Variants in MAN1B1 observed in about 807,000 individuals in gnomAD.
The protein encoded by MAN1B1 is mannosidase alpha class 1B member 1, also known as endoplasmic reticulum mannosyl-oligosaccharide 1,2-alpha-mannosidase.
MAN1B1 carries 66 observed loss-of-function variants against 75.5 expected under a neutral mutation model. The observed-to-expected ratio is 0.87, with a 90% CI of 0.72 to 1.07. MAN1B1 has a LOEUF of 1.07. MAN1B1 is among the 50% of genes least tolerant of loss of function. The pLI, the probability that MAN1B1 is intolerant of heterozygous loss-of-function variation, is 0.00. For missense variants in MAN1B1, 973 were observed against 912.5 expected, an observed-to-expected ratio of 1.07 and a Z score of -0.85; for synonymous variants, 453 against 382.8, an observed-to-expected ratio of 1.18 and a Z score of -2.14.
chr9:137,087,647 A>G, intron 1 of MAN1B1: 2 of 412,734 alleles, frequency 4.8e-6, no homozygotes, highest in Non-Finnish European at 9.1e-6. Context: ...TGATAACCAC[A>G]TGCGGACTGT....
At chr9:137,087,292 G>C (rs2130984091) in intron 1 of MAN1B1, 74 bp downstream of exon 1, 1 of 1,496,710 alleles carries the variant, frequency 6.7e-7, no homozygotes, top group Non-Finnish European at 9.0e-7. Context: ...GGCTCCGAGC[G>C]GGACCTGGGC....
In MAN1B1 at chr9:137,105,508, G is replaced by T. The variant is rs568714121; in HGVS notation, c.1255-617G>T. 7.0e-5 allele frequency: 15 copies of T among 215,152 alleles called. No individual in the cohort carries two copies. In the South Asian group the frequency reaches 8.8e-4, roughly 13 times the overall value. 13.3% of individuals were successfully genotyped at this position (215,152 alleles called of 1,614,324 possible). ...GGATAGGCAGCCAGGCCTCGAAGGT[G>T]CTGGGCATGGGTTTGGGTGTCTGCG... is the stretch of plus-strand genomic sequence containing the variant. On this transcript the variant is annotated intron_variant, in intron 8 of 12. Coordinates refer to ENST00000371589, the MANE Select transcript of MAN1B1 (RefSeq NM_016219.5).
intron 1 of MAN1B1, 73 bp downstream of exon 1, chr9:137,087,291 C>A: frequency 6.7e-7 from 1 of 1,500,634 alleles, no homozygotes; most frequent in Non-Finnish European, 9.0e-7. Context: ...CGGCTCCGAG[C>A]GGGACCTGGG....
chr9:137,092,339 C>G (rs577933261), intron 3 of MAN1B1, among the ~76,000 whole-genome samples: 1 of 151,486 alleles, frequency 6.6e-6, no homozygotes, highest in African/African-American at 2.4e-5. Context: ...GAGACCCTGT[C>G]TCAAAAAATA....
Position 137,101,059 on chromosome 9 carries a change from T to G in MAN1B1, c.971T>G (p.Val324Gly). 6.2e-7 allele frequency: 1 copy of G among 1,614,216 alleles called. No individual in the cohort carries two copies. The highest frequency in any genetic ancestry group is 8.5e-7 in the Non-Finnish European group (1 of 1,180,046). The change falls in exon 7 of 13, where the codon GTG (valine) becomes GGG (glycine). Residue 324 changes from valine (V) to glycine (G), a missense_variant. Val to Gly is a moderately radical substitution (Grantham distance 109). Transcript: ENST00000371589. ...AAGAAGTTACACTTTGAAAAGGACGTGGACGTCAACCTGTTTGAGAGCACG... is the reference window on the plus strand; with the variant it reads ...AAGAAGTTACACTTTGAAAAGGACGGGGACGTCAACCTGTTTGAGAGCACG... ...VSKKLHFEKD[V>G]DVNLFESTIR...
At chr9:137,106,382 GCCCCCAGCT>G in intron 9 of MAN1B1, 67 bp downstream of exon 9, 1 of 1,408,772 alleles carries the variant, frequency 7.1e-7, no homozygotes, top group Non-Finnish European at 9.6e-7. Flanking sequence ...CACTCCTGCT[GCCCCCAGCT>G]CCCACGGCCC....
intron 8 of MAN1B1, chr9:137,104,609 T>C (rs1375712112): frequency 1.2e-5 from 2 of 170,128 alleles, no homozygotes; most frequent in African/African-American, 4.8e-5. Context: ...AGAGATTCCT[T>C]TTTCAGGCTG....
rs777042053 is a variant in MAN1B1, at chr9:137,099,757, C to T, written c.792C>T (p.Tyr264=). Reference sequence around the variant, plus strand: ...TCTTCCTGCATGCATGGAAAGGATACCGCAAGTTTGCATGGGGCCATGACG... The same window carrying T: ...TCTTCCTGCATGCATGGAAAGGATATCGCAAGTTTGCATGGGGCCATGACG... ...IDVFLHAWKG[Y]RKFAWGHDEL... is the part of the protein sequence containing the mutation. Residue 264 remains tyrosine, a synonymous_variant, in exon 6 of 13, where the codon TAC becomes TAT. Transcript: ENST00000371589. 22 of 1,614,110 alleles carry T rather than the reference C, an allele frequency of 1.4e-5. No homozygotes were observed. Among genetic ancestry groups the T allele is most frequent in the Non-Finnish European group, 1.8e-5 (21 of 1,180,060 alleles).
At chr9:137,092,246 T>A (rs1288263874) in intron 3 of MAN1B1, among the ~76,000 whole-genome samples, 1 of 151,674 alleles carries the variant, frequency 6.6e-6, no homozygotes, top group East Asian at 1.9e-4. Context: ...TAGTCCCAGC[T>A]ACCTGGGAGG....
chr9:137,091,470 C>G (rs941307293), intron 3 of MAN1B1, among the ~76,000 whole-genome samples: 1 of 151,422 alleles, frequency 6.6e-6, no homozygotes, highest in African/African-American at 2.4e-5. Context: ...TAGGCCAGAT[C>G]CCTTTCTGTT....
At chr9:137,087,663 G>A in intron 1 of MAN1B1, 3 of 404,262 alleles carry the variant, frequency 7.4e-6, no homozygotes, top group Non-Finnish European at 1.4e-5. Context: ...ACTGTGCATC[G>A]CCTGGGCGGT....
chr9:137,096,448 C>G (rs1030674578), intron 4 of MAN1B1, 57 bp downstream of exon 4: 4 of 1,585,736 alleles, frequency 2.5e-6, no homozygotes, highest in Non-Finnish European at 2.6e-6. Flanking sequence ...TTCCGAAAAA[C>G]AAGATTGCGG....
intron 3 of MAN1B1, among the ~76,000 whole-genome samples, chr9:137,095,992 T>C (rs1435582730): frequency 6.6e-6 from 1 of 152,112 alleles, no homozygotes; most frequent in Non-Finnish European, 1.5e-5. Context: ...AGTTTGGAAA[T>C]ATTCCCACCG....
rs1193672374 is a variant in MAN1B1, at chr9:137,105,435, A to G, written c.1255-690A>G. 4 of 185,836 alleles carry G rather than the reference A, an allele frequency of 2.2e-5. No individual in the cohort carries two copies. The Admixed American group carries it at 2.4e-4, about 11-fold the overall frequency. The allele number at this position is 185,836 out of a possible 1,614,324, so 11.5% of individuals were successfully genotyped here. ...GCTCAGAAAATGGCCCCAGGCCCCCATGGGCACCCCCATGTCACCAGGGCC... is the reference window on the plus strand; with the variant it reads ...GCTCAGAAAATGGCCCCAGGCCCCCGTGGGCACCCCCATGTCACCAGGGCC... On this transcript the variant is annotated intron_variant, in intron 8 of 12. Coordinates refer to ENST00000371589, the MANE Select transcript of MAN1B1 (RefSeq NM_016219.5).
At chr9:137,100,682 C>T (rs1315965260) in intron 6 of MAN1B1, among the ~76,000 whole-genome samples, 2 of 152,060 alleles carry the variant, frequency 1.3e-5, no homozygotes, top group Admixed American at 6.5e-5. Context: ...TGCAGTGGCA[C>T]GATCTCAGTT....
intron 3 of MAN1B1, chr9:137,094,326 G>A: frequency 2.3e-6 from 1 of 429,342 alleles, no homozygotes; most frequent in South Asian, 1.7e-5. Context: ...TCGTAACGGT[G>A]ATTTTTAAGA....
chr9:137,097,183 A>G (rs375042106), intron 4 of MAN1B1, among the ~76,000 whole-genome samples: 1 of 152,338 alleles, frequency 6.6e-6, no homozygotes, highest in African/African-American at 2.4e-5. Flanking sequence ...CTTTACTTCC[A>G]GAGCAAAAGA....
Position 137,100,104 on chromosome 9 carries a change from T to C in MAN1B1, c.916+223T>C, listed in dbSNP as rs1296712629. On this transcript the variant is annotated intron_variant, in intron 6 of 12. Coordinates refer to ENST00000371589, the MANE Select transcript of MAN1B1 (RefSeq NM_016219.5). ...CGCTGTCCCCAGACCTCTGCAGGAG[T>C]TGAGTGTGGACTCTTTGGGGGACGT... Among the ~76,000 whole-genome samples the C allele has an allele frequency of 2.6e-5, 4 of 152,054 alleles. No homozygotes were observed. In the East Asian group the frequency reaches 7.7e-4, roughly 29 times the overall value.
At chr9:137,104,258 CAG>C (rs1233247434) in intron 8 of MAN1B1, 2 of 363,136 alleles carry the variant, frequency 5.5e-6, no homozygotes, top group Non-Finnish European at 1.1e-5. Flanking sequence ...TTTGTTGAGA[CAG>C]AGTCTCATTC....
Sources: gnomAD v4.1 joint callset for allele counts (sites outside exome capture counted in the v4.1 genomes callset) on GRCh38, gnomAD v4.1.1 for gene constraint, MANE v1.5 for transcripts, NCBI Gene and HGNC (gene_info 2026-07-23, HGNC 2026-07-21) for gene names.